CFAP43: variants seen among roughly 807,000 people sequenced by gnomAD.
The protein encoded by CFAP43 is cilia and flagella associated protein 43, also known as cilia- and flagella-associated protein 43.
Under a neutral mutation model 218.9 loss-of-function variants are expected in CFAP43, and 155 were observed. The observed-to-expected ratio is 0.71, with a 90% CI of 0.62 to 0.81. The LOEUF is 0.81. CFAP43 is among the 30% of genes least tolerant of loss of function. The pLI is 0.00. For synonymous variants in CFAP43, 645 were observed against 681.3 expected (o/e 0.95, Z 0.83); for missense variants, 1,778 against 1,954.3 (o/e 0.91, Z 1.70).
intron 4 of CFAP43, among the ~76,000 whole-genome samples, chr10:104,212,785 G>A (rs1332258786): frequency 6.6e-6 from 1 of 152,156 alleles, no homozygotes; most frequent in Non-Finnish European, 1.5e-5. Flanking sequence ...TAGAGAATTT[G>A]TGGTTTCATG....
chr10:104,160,288 C>G (rs375745866), intron 27 of CFAP43, among the ~76,000 whole-genome samples: 44 of 152,068 alleles, frequency 2.9e-4, no homozygotes, highest in Non-Finnish European at 6.0e-4. Context: ...GAGTAAGAAC[C>G]ATTTTAGGTT....
chr10:104,157,375 A>G (rs937088549), intron 27 of CFAP43, among the ~76,000 whole-genome samples: 2 of 152,238 alleles, frequency 1.3e-5, no homozygotes, highest in African/African-American at 4.8e-5. Context: ...TATGGTTGCT[A>G]TAAAACAACA....
chr10:104,212,284 A>G (rs1367174644), intron 4 of CFAP43, 127 bp from the exon 5 acceptor site: 1 of 863,272 alleles, frequency 1.2e-6, no homozygotes, highest in Non-Finnish European at 1.7e-6. Flanking sequence ...AGAAGATAAA[A>G]GCCAAATGAT....
chr10:104,175,846 G>A (rs1250881475), intron 19 of CFAP43, among the ~76,000 whole-genome samples: 1 of 152,162 alleles, frequency 6.6e-6, no homozygotes, highest in Non-Finnish European at 1.5e-5. Context: ...GGGACTGTCT[G>A]TATATATCTT....
chr10:104,218,448 G>T (rs1214824724), intron 3 of CFAP43, among the ~76,000 whole-genome samples: 1 of 150,788 alleles, frequency 6.6e-6, no homozygotes, highest in Non-Finnish European at 1.5e-5. Flanking sequence ...AGGTAATAAT[G>T]TGTTTGTCCT....
intron 1 of CFAP43, among the ~76,000 whole-genome samples, chr10:104,231,260 AAAC>A (rs2091441257): frequency 6.6e-6 from 1 of 152,258 alleles, no homozygotes; most frequent in African/African-American, 2.4e-5. Context: ...AAACTTTAAA[AAAC>A]AACTTTGCAT....
In CFAP43 at chr10:104,230,792, G is replaced by A. The variant is rs1459675294; in HGVS notation, c.117C>T (p.Thr39=). Residue 39 remains threonine (T), a synonymous_variant, in exon 2 of 38, where the codon ACC becomes ACT. Coordinates refer to ENST00000357060, the MANE Select transcript of CFAP43 (RefSeq NM_025145.7). ...CATAATTCCCACAAGGGTAGCAAAT[G>A]GTGTTGTCGTTGACAAAATGAACAT... ...KQNVHFVNDN[T]ICYPCGNYVI... is the part of the protein sequence containing the mutation. 1.2e-6 allele frequency: 2 copies of A among 1,613,538 alleles called. No homozygotes were observed. The highest frequency in any genetic ancestry group is 1.7e-6 in the Non-Finnish European group (2 of 1,179,954).
At chr10:104,167,520 A>C in intron 22 of CFAP43, 101 bp downstream of exon 22, 1 of 789,214 alleles carries the variant, frequency 1.3e-6, no homozygotes, top group Middle Eastern at 3.0e-4. Context: ...AAATACATAC[A>C]ATACCTAAAC....
At chr10:104,162,471 A>AT in intron 24 of CFAP43, 68 bp from the exon 25 acceptor site, 9 of 1,334,040 alleles carry the variant, frequency 6.7e-6, no homozygotes, top group African/African-American at 1.4e-5. Flanking sequence ...CCTTCCACAT[A>AT]CTGGGAGGAG....
intron 7 of CFAP43, among the ~76,000 whole-genome samples, 174 bp from the exon 8 acceptor site, chr10:104,203,977 T>G (rs2090608844): frequency 1.3e-5 from 2 of 152,214 alleles, no homozygotes; most frequent in Non-Finnish European, 2.9e-5. Flanking sequence ...TTTAACTATG[T>G]TCCCTGGTCA....
chr10:104,137,647 A>G (rs2087514153), intron 34 of CFAP43, among the ~76,000 whole-genome samples: 1 of 152,082 alleles, frequency 6.6e-6, no homozygotes, highest in Admixed American at 6.6e-5. Flanking sequence ...ATCTCTACCA[A>G]AAAAATATAA....
Position 104,167,715 on chromosome 10 carries a change from A to G in CFAP43, c.2714T>C (p.Val905Ala), listed in dbSNP as rs778055635. ...ALKCFHIPCV[V>A]ENFPMKARTV... ...GCGCGCTTTCATCGGGAAGTTTTCAACCACACAGGGGATATGAAAACACTT... is the reference window on the plus strand; with the variant it reads ...GCGCGCTTTCATCGGGAAGTTTTCAGCCACACAGGGGATATGAAAACACTT... Residue 905 changes from valine to alanine, a missense_variant, in exon 22 of 38, where the codon GTT becomes GCT. Physicochemically the swap from Val to Ala is moderately conservative, Grantham distance 64. Transcript: ENST00000357060. The G allele has an allele frequency of 3.1e-6, 5 of 1,610,898 alleles. No individual in the cohort carries two copies. Among genetic ancestry groups the G allele is most frequent in the Non-Finnish European group, 4.2e-6 (5 of 1,179,120 alleles).
At chr10:104,200,276 C>T (rs1193482075) in intron 8 of CFAP43, among the ~76,000 whole-genome samples, 3 of 152,152 alleles carry the variant, frequency 2.0e-5, no homozygotes, top group East Asian at 1.9e-4. Flanking sequence ...TCCCTGCACC[C>T]GGTTACAGAA....
chr10:104,177,251 G>T (rs2089664184), intron 19 of CFAP43, among the ~76,000 whole-genome samples: 1 of 152,076 alleles, frequency 6.6e-6, no homozygotes, highest in Non-Finnish European at 1.5e-5. Flanking sequence ...AAAAAGATTT[G>T]GCAGAGTAAG....
At chr10:104,152,840 G>A (rs2088339579) in intron 27 of CFAP43, 114 bp from the exon 28 acceptor site, 1 of 1,133,076 alleles carries the variant, frequency 8.8e-7, no homozygotes, top group African/African-American at 1.6e-5. Flanking sequence ...CTTGCAAGGT[G>A]TTCTGGGCTC....
intron 7 of CFAP43, 44 bp downstream of exon 7, chr10:104,205,919 G>T: frequency 6.5e-7 from 1 of 1,530,240 alleles, no homozygotes; most frequent in Non-Finnish European, 8.9e-7. Flanking sequence ...TGGGAATTGT[G>T]AATTTTCTTT....
At chr10:104,210,610 T>C (rs1016844439) in intron 5 of CFAP43, among the ~76,000 whole-genome samples, 1 of 152,126 alleles carries the variant, frequency 6.6e-6, no homozygotes, top group Admixed American at 6.5e-5. Flanking sequence ...CCCAAAGGTC[T>C]TGCAGGTGCT....
At chr10:104,195,486 A>G (rs1277855525) in intron 10 of CFAP43, among the ~76,000 whole-genome samples, 1 of 152,190 alleles carries the variant, frequency 6.6e-6, no homozygotes, top group African/African-American at 2.4e-5. Context: ...AAGTTTTCTC[A>G]GTAAGAATTT....
intron 17 of CFAP43, 62 bp from the exon 18 acceptor site, chr10:104,179,994 T>TCCCA: frequency 1.5e-6 from 2 of 1,310,558 alleles, no homozygotes; most frequent in Non-Finnish European, 2.2e-6. Context: ...GTTTTTCCCC[T>TCCCA]CCCACCCTAC....
Sources: gnomAD v4.1 joint callset for allele counts (sites outside exome capture counted in the v4.1 genomes callset) on GRCh38, gnomAD v4.1.1 for gene constraint, MANE v1.5 for transcripts, NCBI Gene and HGNC (gene_info 2026-07-23, HGNC 2026-07-21) for gene names.